Variants in GRID1 observed in about 807,000 individuals in gnomAD.
The protein encoded by GRID1 is glutamate receptor ionotropic, delta-1.
Under a neutral mutation model 98.0 loss-of-function variants are expected in GRID1, and 28 were observed. The ratio of observed to expected loss-of-function variants is 0.29; its 90% CI spans 0.21 to 0.39. The LOEUF is 0.39. Among genes scored for constraint, GRID1 ranks in the 10% least tolerant of loss-of-function variants. GRID1 has a pLI of 1.00. For synonymous variants in GRID1, 553 were observed against 538.5 expected, an observed-to-expected ratio of 1.03 and a Z score of -0.37; for missense variants, 1,111 against 1,340.5, an observed-to-expected ratio of 0.83 and a Z score of 2.67.
At chr10:86,143,816 C>T (rs528051364) in intron 3 of GRID1, among the ~76,000 whole-genome samples, 5 of 152,218 alleles carry the variant, frequency 3.3e-5, no homozygotes, top group Admixed American at 6.5e-5. Context: ...AGGAGTCCTG[C>T]GCCTTAGAGA....
At chr10:85,981,344 G>A (rs530248350) in intron 4 of GRID1, among the ~76,000 whole-genome samples, 1 of 152,182 alleles carries the variant, frequency 6.6e-6, no homozygotes, top group Non-Finnish European at 1.5e-5. Flanking sequence ...CAAAGGACAC[G>A]AACTGCAGTC....
intron 8 of GRID1, among the ~76,000 whole-genome samples, chr10:85,818,857 A>G (rs956259348): frequency 2.0e-5 from 3 of 152,126 alleles, no homozygotes; most frequent in Admixed American, 6.5e-5. Flanking sequence ...AGCTGGGACT[A>G]TAGGCACATG....
chr10:86,330,406 G>C (rs943409016), intron 2 of GRID1, among the ~76,000 whole-genome samples: 3 of 152,176 alleles, frequency 2.0e-5, no homozygotes, highest in Non-Finnish European at 4.4e-5. Flanking sequence ...AATGCCACCA[G>C]GGCTGGACAC....
At chr10:86,145,366 A>G in intron 3 of GRID1, among the ~76,000 whole-genome samples, 1 of 152,066 alleles carries the variant, frequency 6.6e-6, no homozygotes, top group South Asian at 2.1e-4. Context: ...GGGATTACAG[A>G]CACCCGCCAC....
intron 12 of GRID1, among the ~76,000 whole-genome samples, chr10:85,669,248 G>A (rs964568456): frequency 1.3e-5 from 2 of 152,212 alleles, no homozygotes; most frequent in Non-Finnish European, 2.9e-5. Flanking sequence ...TAGGGGTGGA[G>A]GATGATGGGA....
At chr10:85,686,893 C>G (rs2132604854) in intron 12 of GRID1, among the ~76,000 whole-genome samples, 1 of 152,150 alleles carries the variant, frequency 6.6e-6, no homozygotes, top group South Asian at 2.1e-4. Flanking sequence ...TCTGTTTACA[C>G]ATAGGACCTA....
chr10:86,020,865 T>C (rs987926529), intron 4 of GRID1, among the ~76,000 whole-genome samples: 2 of 152,296 alleles, frequency 1.3e-5, no homozygotes, highest in African/African-American at 2.4e-5. Flanking sequence ...TGTTAAACTA[T>C]GTTTACTGAA....
At position 85,613,510 on chromosome 10, in the gene GRID1, C is replaced by T. The variant is rs267602597; in HGVS notation, c.2498G>A (p.Gly833Glu). The change falls in exon 15 of 16, where the codon GGG becomes GAG. Residue 833 changes from glycine (G) to glutamate (E), a missense_variant. Gly to Glu is a moderately conservative substitution (Grantham distance 98). This residue lies in a region of GRID1 where 762 missense variants were observed against 869.1 expected (regional missense o/e 0.88). Transcript: ENST00000327946. ...GCCAATGGCCAGGATGCAGAAGACC[C>T]CGGCGAAGCTGTGCAGCTTGAGGGA... Reference protein sequence around the residue: ...GKSLKLHSFAGVFCILAIGLL... With the variant: ...GKSLKLHSFAEVFCILAIGLL... 6.2e-7 allele frequency: 1 copy of T among 1,614,052 alleles called. No homozygotes were observed. The highest frequency in any genetic ancestry group is 1.3e-5 in the African/African-American group (1 of 74,946).
intron 8 of GRID1, among the ~76,000 whole-genome samples, chr10:85,787,739 C>T (rs113964170): frequency 6.6e-6 from 1 of 152,172 alleles, no homozygotes; most frequent in African/African-American, 2.4e-5. Context: ...ACCCAGCCGG[C>T]CTAAATGGGT....
intron 8 of GRID1, among the ~76,000 whole-genome samples, chr10:85,797,920 TA>T (rs1261072050): frequency 1.3e-5 from 2 of 152,230 alleles, no homozygotes; most frequent in African/African-American, 2.4e-5. Flanking sequence ...CATTCTTTTT[TA>T]TAGTTGCATA....
At chr10:86,168,394 C>T (rs1000090884) in intron 3 of GRID1, among the ~76,000 whole-genome samples, 6 of 152,094 alleles carry the variant, frequency 3.9e-5, no homozygotes, top group South Asian at 4.1e-4. Context: ...CGCCCGCCCT[C>T]GTGCACTGCA....
At chr10:86,106,700 T>A (rs1168243552) in intron 4 of GRID1, among the ~76,000 whole-genome samples, 1 of 152,092 alleles carries the variant, frequency 6.6e-6, no homozygotes, top group East Asian at 1.9e-4. Context: ...TGATCAGGAA[T>A]GTGCAGTGAG....
chr10:86,038,858 A>C (rs912869224), intron 4 of GRID1, among the ~76,000 whole-genome samples: 2 of 152,128 alleles, frequency 1.3e-5, no homozygotes, highest in Non-Finnish European at 2.9e-5. Context: ...GAAGTAGGGG[A>C]GTCATCTCAC....
At chr10:85,670,999 C>T (rs969286646) in intron 12 of GRID1, among the ~76,000 whole-genome samples, 3 of 152,188 alleles carry the variant, frequency 2.0e-5, no homozygotes, top group Non-Finnish European at 4.4e-5. Flanking sequence ...TTTTCTAAAA[C>T]CAGCTCACCT....
At position 86,294,837 on chromosome 10, in the gene GRID1, G is replaced by C. The variant is rs201220729; in HGVS notation, c.235+69104C>G. Among the ~76,000 whole-genome samples, 8 of 152,210 alleles carry C rather than the reference G, an allele frequency of 5.3e-5. No homozygotes were observed. In the East Asian group the frequency reaches 1.3e-3, roughly 26 times the overall value. ...CAGAAGACAGATGATTAAAGTTGGGGACATGGGACATGCCAGTGTTTTGAG... is the reference window on the plus strand; with the variant it reads ...CAGAAGACAGATGATTAAAGTTGGGCACATGGGACATGCCAGTGTTTTGAG... On this transcript the variant is annotated intron_variant, in intron 2 of 15. Coordinates refer to ENST00000327946, the MANE Select transcript of GRID1 (RefSeq NM_017551.3).
intron 2 of GRID1, among the ~76,000 whole-genome samples, chr10:86,336,630 C>A (rs1461139306): frequency 6.6e-6 from 1 of 152,224 alleles, no homozygotes; most frequent in Non-Finnish European, 1.5e-5. Flanking sequence ...ACCCAGTAGG[C>A]TCCAGGGCTG....
chr10:85,643,258 GC>G (rs1843145839), intron 13 of GRID1, among the ~76,000 whole-genome samples: 1 of 152,082 alleles, frequency 6.6e-6, no homozygotes, highest in African/African-American at 2.4e-5. Flanking sequence ...CCCTCGGTGG[GC>G]TTCTCCTCAC....
In GRID1 at chr10:85,702,770, A is replaced by C. The variant is rs373303548; in HGVS notation, c.1997+20233T>G. On this transcript the variant is annotated intron_variant, in intron 12 of 15. Transcript: ENST00000327946. ...AAAAGAGCAGTATGAGGATAAACGG[A>C]GGCAGAGAGGAGAGATGAGAAAAAA... 4.0e-5 allele frequency among the ~76,000 whole-genome samples: 6 copies of C among 151,830 alleles called. No homozygotes were observed. In the East Asian group the frequency reaches 9.7e-4, roughly 24 times the overall value.
chr10:86,033,995 A>T (rs936680652), intron 4 of GRID1, among the ~76,000 whole-genome samples: 1 of 152,250 alleles, frequency 6.6e-6, no homozygotes, highest in Admixed American at 6.5e-5. Context: ...CATTGAAAAA[A>T]GTCTTCAGGG....
Sources: allele counts gnomAD v4.1 joint callset (sites outside exome capture counted in the v4.1 genomes callset), GRCh38; gene constraint gnomAD v4.1.1; regional missense constraint gnomAD v4.1.1; transcripts MANE v1.5; gene names NCBI Gene and HGNC (gene_info 2026-07-23, HGNC 2026-07-21).